KCNT2: variants seen among roughly 807,000 people sequenced by gnomAD.
The protein encoded by KCNT2 is potassium channel subfamily T member 2.
KCNT2 carries 67 observed loss-of-function variants against 153.8 expected under a neutral mutation model. The observed-to-expected ratio is 0.44, with a 90% CI of 0.36 to 0.53. KCNT2 has a LOEUF of 0.53. Ranked by LOEUF, KCNT2 falls within the 20% of genes least tolerant of loss-of-function variation. The probability of loss-of-function intolerance (pLI) is 0.00; values close to 1 mark genes in which losing one functional copy is unlikely to be tolerated. For synonymous variants in KCNT2, 500 were observed against 458.8 expected (o/e 1.09, Z -1.15); for missense variants, 975 against 1,354.8 (o/e 0.72, Z 4.40).
chr1:196,492,417 A>G, intron 1 of KCNT2, 76 bp from the exon 2 acceptor site: 1 of 1,057,648 alleles, frequency 9.5e-7, no homozygotes, highest in Non-Finnish European at 1.2e-6. Context: ...CAACAAATAT[A>G]AATTGATCTG....
chr1:196,489,550 GACTT>G (rs1156776900), intron 3 of KCNT2, among the ~76,000 whole-genome samples: 2 of 151,836 alleles, frequency 1.3e-5, no homozygotes, highest in Admixed American at 6.6e-5. Flanking sequence ...TCTTTAAAGA[GACTT>G]ACCCATTTTA....
At chr1:196,495,212 T>C (rs1305102812) in intron 1 of KCNT2, among the ~76,000 whole-genome samples, 1 of 152,066 alleles carries the variant, frequency 6.6e-6, no homozygotes, top group Non-Finnish European at 1.5e-5. Flanking sequence ...TGACTTATAC[T>C]GGGCACAGAA....
At chr1:196,599,240 A>G (rs1664438199) in intron 1 of KCNT2, among the ~76,000 whole-genome samples, 1 of 152,250 alleles carries the variant, frequency 6.6e-6, no homozygotes, top group Non-Finnish European at 1.5e-5. Context: ...AGTTGTTTAT[A>G]ATATGTGGAC....
intron 14 of KCNT2, among the ~76,000 whole-genome samples, chr1:196,370,529 A>C (rs1668431548): frequency 6.6e-6 from 1 of 152,000 alleles, no homozygotes; most frequent in Admixed American, 6.6e-5. Flanking sequence ...CTTCATGCCC[A>C]CTAGGATGGT....
chr1:196,599,849 C>T (rs1469335615), intron 1 of KCNT2, among the ~76,000 whole-genome samples: 2 of 152,178 alleles, frequency 1.3e-5, no homozygotes, highest in African/African-American at 4.8e-5. Flanking sequence ...TTCTGCCTCA[C>T]ATCCAAGAGC....
intron 1 of KCNT2, among the ~76,000 whole-genome samples, chr1:196,606,069 G>C (rs1665279820): frequency 6.6e-6 from 1 of 152,158 alleles, no homozygotes; most frequent in Non-Finnish European, 1.5e-5. Flanking sequence ...GTTTGTCTGA[G>C]GATTAACTAA....
chr1:196,350,714 C>A (rs1371797189), intron 14 of KCNT2, among the ~76,000 whole-genome samples: 1 of 152,130 alleles, frequency 6.6e-6, no homozygotes, highest in African/African-American at 2.4e-5. Flanking sequence ...TTAATTAGAT[C>A]CCTTTTGTCA....
At chr1:196,229,525 T>G (rs145496079) in intron 27 of KCNT2, among the ~76,000 whole-genome samples, 3 of 152,236 alleles carry the variant, frequency 2.0e-5, no homozygotes, top group Admixed American at 6.5e-5. Flanking sequence ...GACTTGTAAT[T>G]GTTTAAGTGA....
At chr1:196,607,181 G>C (rs1665411157) in intron 1 of KCNT2, among the ~76,000 whole-genome samples, 2 of 152,084 alleles carry the variant, frequency 1.3e-5, no homozygotes, top group African/African-American at 4.8e-5. Context: ...GAATGAGGAG[G>C]GGATTTTGGA....
chr1:196,432,543 G>T, intron 8 of KCNT2, among the ~76,000 whole-genome samples: 1 of 152,096 alleles, frequency 6.6e-6, no homozygotes, highest in East Asian at 1.9e-4. Flanking sequence ...GAGTCAAAAA[G>T]TATTCTCAAA....
intron 4 of KCNT2, 74 bp downstream of exon 4, chr1:196,482,257 G>C: frequency 1.1e-6 from 1 of 891,548 alleles, no homozygotes; most frequent in Non-Finnish European, 1.8e-6. Flanking sequence ...AACATCAAAA[G>C]CTCTCCAATA....
chr1:196,281,021 T>C, intron 24 of KCNT2, 33 bp from the exon 25 acceptor site: 1 of 1,553,750 alleles, frequency 6.4e-7, no homozygotes. Flanking sequence ...ACATATTAAA[T>C]GTGTCAGAAA....
chr1:196,256,778 G>T (rs886340242), intron 26 of KCNT2, among the ~76,000 whole-genome samples: 20 of 151,066 alleles, frequency 1.3e-4, no homozygotes, highest in Non-Finnish European at 1.9e-4. Context: ...TGTCAGAAGC[G>T]TTTGAACCAA....
At chr1:196,349,851 TC>T (rs1205414211) in intron 14 of KCNT2, among the ~76,000 whole-genome samples, 5 of 151,902 alleles carry the variant, frequency 3.3e-5, no homozygotes, top group East Asian at 1.9e-4. Flanking sequence ...ATGCTATCCC[TC>T]CCCCCTTCCC....
rs1421805549 is a variant in KCNT2, at chr1:196,227,157, A to T, written c.*1067T>A. On this transcript the variant is annotated 3_prime_UTR_variant, in exon 28 of 28. Transcript: ENST00000294725. ...TGTTAAAGTATAGCTCATATATACGATTTCAAAATTAAGTCAAAAATTTTA... is the reference window on the plus strand; with the variant it reads ...TGTTAAAGTATAGCTCATATATACGTTTTCAAAATTAAGTCAAAAATTTTA... 6.6e-6 allele frequency: 1 copy of T among 152,024 alleles called. No individual in the cohort carries two copies. Among genetic ancestry groups the T allele is most frequent in the African/African-American group, 2.4e-5 (1 of 41,454 alleles). 9.4% of individuals were successfully genotyped at this position (152,024 alleles called of 1,614,324 possible).
chr1:196,545,204 C>T (rs1035028952), intron 1 of KCNT2, among the ~76,000 whole-genome samples: 2 of 151,872 alleles, frequency 1.3e-5, no homozygotes, highest in African/African-American at 2.4e-5. Context: ...GGTCTAATCC[C>T]GCCAACATTT....
intron 1 of KCNT2, among the ~76,000 whole-genome samples, chr1:196,493,529 G>T (rs1680019076): frequency 6.6e-6 from 1 of 152,002 alleles, no homozygotes; most frequent in Non-Finnish European, 1.5e-5. Flanking sequence ...GCAGTTTATT[G>T]TGTCACAAAA....
At chr1:196,359,190 C>T (rs1441678468) in intron 14 of KCNT2, among the ~76,000 whole-genome samples, 1 of 151,926 alleles carries the variant, frequency 6.6e-6, no homozygotes, top group African/African-American at 2.4e-5. Flanking sequence ...AATATTTGCC[C>T]TCTTTTTCTA....
intron 5 of KCNT2, among the ~76,000 whole-genome samples, chr1:196,471,560 T>G (rs1678110807): frequency 6.6e-6 from 1 of 152,120 alleles, no homozygotes; most frequent in South Asian, 2.1e-4. Flanking sequence ...TATCAATGAT[T>G]GTCCACAAGA....
Sources: allele counts gnomAD v4.1 joint callset (sites outside exome capture counted in the v4.1 genomes callset), GRCh38; gene constraint gnomAD v4.1.1; transcripts MANE v1.5; gene names NCBI Gene and HGNC (gene_info 2026-07-23, HGNC 2026-07-21).